Variants in MAP2 observed in about 807,000 individuals in gnomAD.
The protein encoded by MAP2 is microtubule associated protein 2.
Under a neutral mutation model 137.6 loss-of-function variants are expected in MAP2, and 14 were observed. The observed-to-expected ratio is 0.10, with a 90% CI of 0.07 to 0.16. The LOEUF is 0.16. Among genes scored for constraint, MAP2 ranks in the 10% least tolerant of loss-of-function variants. The pLI is 1.00. For synonymous variants in MAP2, 786 were observed against 782.3 expected (o/e 1.00, Z -0.08); for missense variants, 2,088 against 2,191.5 (o/e 0.95, Z 0.94).
Position 209,643,458 on chromosome 2 carries a change from G to A in MAP2, c.-29-9684G>A, listed in dbSNP as rs1224223470. Among the ~76,000 whole-genome samples, 2 of 152,052 alleles carry A rather than the reference G, an allele frequency of 1.3e-5. 1 individual carries two copies. The highest frequency in any genetic ancestry group is 2.9e-5 in the Non-Finnish European group (2 of 68,012). On this transcript the variant is annotated intron_variant, in intron 4 of 15. Transcript: ENST00000682079. ...TACTAAATAATTCAATTACTTCTTT[G>A]AGAGCTTTACAAATTCAGAGTTATC...
At chr2:209,477,300 T>A (rs565822878) in intron 1 of MAP2, among the ~76,000 whole-genome samples, 64 of 152,034 alleles carry the variant, frequency 4.2e-4, no homozygotes, top group Middle Eastern at 3.4e-3. Context: ...TGCTTGTCAA[T>A]CTTAAACTAT....
chr2:209,439,361 A>G (rs1697181399), intron 1 of MAP2, among the ~76,000 whole-genome samples: 1 of 151,762 alleles, frequency 6.6e-6, no homozygotes, highest in South Asian at 2.1e-4. Context: ...GTATGTGTGT[A>G]TAAATGTGTA....
At chr2:209,594,976 C>A (rs1461911540) in intron 3 of MAP2, among the ~76,000 whole-genome samples, 1 of 152,066 alleles carries the variant, frequency 6.6e-6, no homozygotes, top group Non-Finnish European at 1.5e-5. Flanking sequence ...CAGGATAACC[C>A]CTTCCCTACT....
chr2:209,532,090 T>A (rs778045726), intron 2 of MAP2, among the ~76,000 whole-genome samples: 12 of 151,880 alleles, frequency 7.9e-5, no homozygotes, highest in Admixed American at 1.3e-4. Flanking sequence ...ACTAAAAAAA[T>A]TAGCTAGGCA....
At chr2:209,670,770 T>TG (rs1347440573) in intron 5 of MAP2, among the ~76,000 whole-genome samples, 2 of 151,966 alleles carry the variant, frequency 1.3e-5, no homozygotes, top group Non-Finnish European at 2.9e-5. Flanking sequence ...AAGAGGACCA[T>TG]ATGAGTGACT....
intron 3 of MAP2, among the ~76,000 whole-genome samples, chr2:209,586,187 C>T (rs2077666226): frequency 6.6e-6 from 1 of 152,044 alleles, no homozygotes; most frequent in African/African-American, 2.4e-5. Context: ...AAGGTAGTGA[C>T]TTCAGTGCGC....
At chr2:209,561,756 T>C (rs1211853327) in intron 2 of MAP2, among the ~76,000 whole-genome samples, 1 of 152,216 alleles carries the variant, frequency 6.6e-6, no homozygotes. Context: ...AACTATGTTG[T>C]CTAATTTTAT....
chr2:209,655,488 G>T (rs1205217950), intron 5 of MAP2, among the ~76,000 whole-genome samples: 2 of 152,198 alleles, frequency 1.3e-5, no homozygotes, highest in Non-Finnish European at 2.9e-5. Flanking sequence ...GGATGTTCCA[G>T]TGATGAGTTA....
intron 3 of MAP2, among the ~76,000 whole-genome samples, chr2:209,623,017 A>G (rs1402355198): frequency 2.0e-5 from 3 of 152,192 alleles, no homozygotes; most frequent in Non-Finnish European, 4.4e-5. Flanking sequence ...ACTTTCATTC[A>G]TATGTAACTA....
At chr2:209,685,762 G>C (rs1239413866) in intron 7 of MAP2, among the ~76,000 whole-genome samples, 1 of 152,104 alleles carries the variant, frequency 6.6e-6, no homozygotes, top group African/African-American at 2.4e-5. Flanking sequence ...AAATGCTATA[G>C]ATCTGAAGCA....
In MAP2 at chr2:209,485,253, CTGTT is replaced by C. The variant is rs1479223167; in HGVS notation, c.-221-22336_-221-22333del. On this transcript the variant is annotated intron_variant, in intron 1 of 15. Coordinates refer to ENST00000682079, the MANE Select transcript of MAP2 (RefSeq NM_001375505.1). ...CAAAGCTTATTTCCCTCTCTGTTAACTGTTTGAAGATTTATGTACCAACAGGAAT... is the reference window on the plus strand; with the variant it reads ...CAAAGCTTATTTCCCTCTCTGTTAACTGAAGATTTATGTACCAACAGGAAT... 2.0e-5 allele frequency among the ~76,000 whole-genome samples: 3 copies of C among 152,160 alleles called. No individual in the cohort carries two copies. In the South Asian group the frequency reaches 6.2e-4, roughly 31 times the overall value.
chr2:209,575,732 C>A (rs546569262), intron 2 of MAP2, among the ~76,000 whole-genome samples: 1 of 152,106 alleles, frequency 6.6e-6, no homozygotes, highest in African/African-American at 2.4e-5. Context: ...TGCCAGTACG[C>A]TCCAGGCACT....
intron 1 of MAP2, among the ~76,000 whole-genome samples, chr2:209,498,235 C>G (rs890159659): frequency 1.3e-5 from 2 of 152,182 alleles, no homozygotes; most frequent in Non-Finnish European, 2.9e-5. Context: ...TTTAAAGCTC[C>G]AAAATAATAT....
chr2:209,668,475 A>C (rs2047308491), intron 5 of MAP2, among the ~76,000 whole-genome samples: 2 of 152,074 alleles, frequency 1.3e-5, no homozygotes, highest in African/African-American at 4.8e-5. Flanking sequence ...AAAATTGAAA[A>C]ATGTATTTAA....
chr2:209,445,078 G>A (rs182603175), intron 1 of MAP2, among the ~76,000 whole-genome samples: 6 of 151,516 alleles, frequency 4.0e-5, no homozygotes, highest in South Asian at 2.1e-4. Flanking sequence ...AAAAAATAAT[G>A]TATATGGATC....
intron 2 of MAP2, among the ~76,000 whole-genome samples, chr2:209,564,417 G>C (rs566036290): frequency 6.6e-6 from 1 of 151,950 alleles, no homozygotes; most frequent in Non-Finnish European, 1.5e-5. Flanking sequence ...TTTCAAACTG[G>C]ATTTAATGAA....
intron 2 of MAP2, among the ~76,000 whole-genome samples, chr2:209,545,280 G>T (rs2067830376): frequency 1.3e-5 from 2 of 152,152 alleles, no homozygotes; most frequent in Non-Finnish European, 2.9e-5. Context: ...TTGCCCTATA[G>T]TATCCTCTTG....
chr2:209,725,685 G>C, intron 13 of MAP2, 24 bp from the exon 14 acceptor site: 1 of 1,495,624 alleles, frequency 6.7e-7, no homozygotes, highest in Non-Finnish European at 9.1e-7. Flanking sequence ...ACTATTTTAA[G>C]CATGTTTTAT....
chr2:209,696,889 T>C (rs2060313283), intron 9 of MAP2, 28 bp from the exon 10 acceptor site: 2 of 1,581,674 alleles, frequency 1.3e-6, no homozygotes, highest in Non-Finnish European at 1.7e-6. Flanking sequence ...TTCCTGATGG[T>C]ATGCTTTTTG....
Sources: allele counts gnomAD v4.1 joint callset (sites outside exome capture counted in the v4.1 genomes callset), GRCh38; gene constraint gnomAD v4.1.1; transcripts MANE v1.5; gene names NCBI Gene and HGNC (gene_info 2026-07-23, HGNC 2026-07-21).